Variants in PCDHGA10 observed in about 807,000 individuals in gnomAD.
PCDHGA10 encodes the protein protocadherin gamma-A10.
A neutral mutation model predicts 59.5 loss-of-function variants in PCDHGA10; 42 were observed. The observed-to-expected ratio is 0.71, with a 90% CI of 0.55 to 0.91. The LOEUF (loss-of-function observed/expected upper bound fraction) is 0.91, where lower values mean the gene tolerates loss of function less well. Among genes scored for constraint, PCDHGA10 ranks in the 40% least tolerant of loss-of-function variants. The pLI is 0.00. For missense variants in PCDHGA10, 1,111 were observed against 1,198.2 expected (o/e 0.93, Z 1.07); for synonymous variants, 511 against 517.2 (o/e 0.99, Z 0.16).
At chr5:141,454,993 T>C (rs2098809479) in intron 1 of PCDHGA10, among the ~76,000 whole-genome samples, 1 of 151,290 alleles carries the variant, frequency 6.6e-6, no homozygotes, top group Non-Finnish European at 1.5e-5. Context: ...AAAATATTTT[T>C]AGTAGAGACG....
At chr5:141,428,049 G>A (rs770637382) in intron 1 of PCDHGA10, 16 of 1,608,954 alleles carry the variant, frequency 9.9e-6, no homozygotes, top group Non-Finnish European at 1.4e-5. Flanking sequence ...GGTGACCAAG[G>A]TGGTGGCGGT....
Position 141,414,209 on chromosome 5 carries a change from A to G in PCDHGA10, c.1034A>G (p.Asn345Ser), listed in dbSNP as rs2095719803. The part of the protein sequence containing the change: ...AKVLITVEDV[N>S]DNSPELTITS... The stretch of plus-strand genomic sequence containing the variant: ...GTGTTGATTACAGTAGAAGATGTAA[A>G]TGACAACAGTCCAGAGCTGACCATC... The change falls in exon 1 of 4, where the codon AAT (asparagine) becomes AGT (serine). Residue 345 changes from asparagine to serine, a missense_variant. Coordinates refer to ENST00000398610, the MANE Select transcript of PCDHGA10 (RefSeq NM_018913.3). 1.9e-6 allele frequency: 3 copies of G among 1,612,712 alleles called. No individual in the cohort carries two copies. Among genetic ancestry groups the G allele is most frequent in the South Asian group, 2.2e-5 (2 of 90,838 alleles).
Position 141,413,628 on chromosome 5 carries a change from T to G in PCDHGA10, c.453T>G (p.Ala151=), listed in dbSNP as rs570797524. 4.3e-6 allele frequency: 7 copies of G among 1,613,878 alleles called. No homozygotes were observed. The African/African-American group carries it at 6.7e-5, about 15-fold the overall frequency. The change falls in exon 1 of 4, where the codon GCT becomes GCG. Residue 151 remains alanine (A), a synonymous_variant. Coordinates refer to ENST00000398610, the MANE Select transcript of PCDHGA10 (RefSeq NM_018913.3). The part of the protein sequence containing the change: ...NLDVKINENV[A]AGMRFPLPEA... ...ACGTAAAAATTAATGAAAATGTCGC[T>G]GCGGGAATGCGTTTTCCTCTCCCGG...
At chr5:141,475,764 C>T (rs2154573514) in intron 1 of PCDHGA10, among the ~76,000 whole-genome samples, 1 of 152,380 alleles carries the variant, frequency 6.6e-6, no homozygotes, top group South Asian at 2.1e-4. Flanking sequence ...CCGATACTGG[C>T]AAGGCGCTTT....
At chr5:141,509,117 G>A (rs1271574654) in intron 3 of PCDHGA10, among the ~76,000 whole-genome samples, 1 of 152,150 alleles carries the variant, frequency 6.6e-6, no homozygotes, top group Admixed American at 6.5e-5. Flanking sequence ...GCGCTGGTGC[G>A]TGAAGAGAAA....
chr5:141,510,420 G>T (rs1275392355), intron 3 of PCDHGA10, among the ~76,000 whole-genome samples: 3 of 152,126 alleles, frequency 2.0e-5, no homozygotes, highest in African/African-American at 7.2e-5. Flanking sequence ...TAAAGCCATG[G>T]TTTCATGGCT....
At chr5:141,438,896 CCT>C (rs886177991) in intron 1 of PCDHGA10, among the ~76,000 whole-genome samples, 30 of 151,820 alleles carry the variant, frequency 2.0e-4, no homozygotes, top group Non-Finnish European at 7.4e-5. Context: ...GAACTCCTGA[CCT>C]CAGGTGATCC....
At chr5:141,419,394 G>A (rs778450240) in intron 1 of PCDHGA10, 2 of 1,613,612 alleles carry the variant, frequency 1.2e-6, no homozygotes, top group East Asian at 2.2e-5. Flanking sequence ...GCGCAGAGCG[G>A]GGTGGTGTTC....
rs2099718995 is a variant in PCDHGA10 at position 141,491,523 on chromosome 5, G to A, written c.2437-3284G>A. On this transcript the variant is annotated intron_variant, in intron 1 of 3. Transcript: ENST00000398610. This position sits in a 1 kb window ranked among gnomAD's most constrained non-coding sequence, Gnocchi z 6.9. ...CGGACGGCACGCTCAAGTACATGGAGGTGACGCTGCGGCCCACAGACTCGC... is the reference window on the plus strand; with the variant it reads ...CGGACGGCACGCTCAAGTACATGGAAGTGACGCTGCGGCCCACAGACTCGC... The A allele has an allele frequency of 3.1e-6, 5 of 1,613,954 alleles. No individual in the cohort carries two copies. The highest frequency in any genetic ancestry group is 3.4e-6 in the Non-Finnish European group (4 of 1,180,032).
In PCDHGA10 at chr5:141,415,732, T is replaced by C. The variant is rs1159160519; in HGVS notation, c.2436+121T>C. 4 of 1,411,138 alleles carry C rather than the reference T, an allele frequency of 2.8e-6. No individual in the cohort carries two copies. In the South Asian group the frequency reaches 5.0e-5, roughly 18 times the overall value. The allele number at this position is 1,411,138 out of a possible 1,614,324, so 87.4% of individuals were successfully genotyped here. ...AACACTGATGAGTAGAATTTGATGT[T>C]TATTAAGGTTTTTTTTTTTTTTTTT... On this transcript the variant is annotated intron_variant, in intron 1 of 3. Coordinates refer to ENST00000398610, the MANE Select transcript of PCDHGA10 (RefSeq NM_018913.3).
chr5:141,506,177 G>A (rs1024892091), intron 3 of PCDHGA10, among the ~76,000 whole-genome samples: 16 of 152,142 alleles, frequency 1.1e-4, no homozygotes, highest in Admixed American at 4.6e-4. Flanking sequence ...TAAGCTGGGC[G>A]TGGTGGCTCA....
rs1481151067 is a variant in PCDHGA10, at chr5:141,477,223, T to A, written c.2437-17584T>A. On this transcript the variant is annotated intron_variant, in intron 1 of 3. Transcript: ENST00000398610. This position sits in a 1 kb window ranked among gnomAD's most constrained non-coding sequence, Gnocchi z 4.9. ...TACCCGAGGATGCCCCTCTGGGGAC[T>A]GTCATCGCTTTGCTCAGTGTGACTG... The A allele has an allele frequency of 6.2e-7, 1 of 1,614,198 alleles. No individual in the cohort carries two copies. The highest frequency in any genetic ancestry group is 1.1e-5 in the South Asian group (1 of 91,084).
intron 3 of PCDHGA10, 157 bp downstream of exon 3, chr5:141,505,638 T>C: frequency 1.0e-6 from 1 of 968,044 alleles, no homozygotes; most frequent in Non-Finnish European, 1.2e-6. Context: ...ACATAAAGCC[T>C]GGAATTGTGG....
At chr5:141,510,378 C>T (rs919650449) in intron 3 of PCDHGA10, among the ~76,000 whole-genome samples, 1 of 151,688 alleles carries the variant, frequency 6.6e-6, no homozygotes, top group African/African-American at 2.4e-5. Flanking sequence ...TCTACTCGTG[C>T]CAGGCCTTGC....
At chr5:141,438,583 CAT>C (rs1561889590) in intron 1 of PCDHGA10, among the ~76,000 whole-genome samples, 4 of 57,610 alleles carry the variant, frequency 6.9e-5, no homozygotes, top group African/African-American at 3.6e-4. Flanking sequence ...TACATACATA[CAT>C]ACATACATAT....
At position 141,431,398 on chromosome 5, in the gene PCDHGA10, G is replaced by A. The variant is rs1052461071; in HGVS notation, c.2436+15787G>A. ...AGGCTGCTCACCACCTGGTCCTTACGGCCTCCGACGGGGGCGACCCGGTGC... is the reference window on the plus strand; with the variant it reads ...AGGCTGCTCACCACCTGGTCCTTACAGCCTCCGACGGGGGCGACCCGGTGC... On this transcript the variant is annotated intron_variant, in intron 1 of 3. Coordinates refer to ENST00000398610, the MANE Select transcript of PCDHGA10 (RefSeq NM_018913.3). This position sits in a 1 kb window ranked among gnomAD's most constrained non-coding sequence, Gnocchi z 4.8. The A allele has an allele frequency of 6.8e-6, 11 of 1,613,768 alleles. No homozygotes were observed. Among genetic ancestry groups the A allele is most frequent in the Non-Finnish European group, 9.3e-6 (11 of 1,180,036 alleles).
At position 141,477,866 on chromosome 5, in the gene PCDHGA10, A is replaced by G; in HGVS notation, c.2437-16941A>G. ...CTCGGTGGAGATGCTGCCTCGAGGT[A>G]CCTCAGCTGGCCACCTAGTGTCACG... On this transcript the variant is annotated intron_variant, in intron 1 of 3. Coordinates refer to ENST00000398610, the MANE Select transcript of PCDHGA10 (RefSeq NM_018913.3). This position sits in a 1 kb window ranked among gnomAD's most constrained non-coding sequence, Gnocchi z 4.9. 1 of 1,614,072 alleles carries G rather than the reference A, an allele frequency of 6.2e-7. No homozygotes were observed. Among genetic ancestry groups the G allele is most frequent in the Non-Finnish European group, 8.5e-7 (1 of 1,179,988 alleles).
At position 141,489,577 on chromosome 5, in the gene PCDHGA10, C is replaced by A. The variant is rs918238376; in HGVS notation, c.2437-5230C>A. The stretch of plus-strand genomic sequence containing the variant: ...GCCAGTGCAGGTGGTGACTGAACAC[C>A]CCCTGGAGCTAATCCGTGTAGAGGT... On this transcript the variant is annotated intron_variant, in intron 1 of 3. Coordinates refer to ENST00000398610, the MANE Select transcript of PCDHGA10 (RefSeq NM_018913.3). This position sits in a 1 kb window ranked among gnomAD's most constrained non-coding sequence, Gnocchi z 4.5. The A allele has an allele frequency of 6.2e-7, 1 of 1,613,894 alleles. No individual in the cohort carries two copies. The highest frequency in any genetic ancestry group is 8.5e-7 in the Non-Finnish European group (1 of 1,180,000).
chr5:141,437,591 G>T (rs1177672004), intron 1 of PCDHGA10, among the ~76,000 whole-genome samples: 5 of 152,170 alleles, frequency 3.3e-5, no homozygotes, highest in Non-Finnish European at 7.3e-5. Flanking sequence ...GAATTGGATA[G>T]TTCTGGTGTA....
Sources: allele counts gnomAD v4.1 joint callset (sites outside exome capture counted in the v4.1 genomes callset), GRCh38; gene constraint gnomAD v4.1.1; non-coding constraint Gnocchi (gnomAD v3.1); transcripts MANE v1.5; gene names NCBI Gene and HGNC (gene_info 2026-07-23, HGNC 2026-07-21).